Variants in NEDD4L observed in about 807,000 individuals in gnomAD.
The protein encoded by NEDD4L is NEDD4 like E3 ubiquitin protein ligase.
In NEDD4L, 54 loss-of-function variants were observed where a neutral mutation model predicts 148.9. That is an observed-to-expected ratio of 0.36 (90% CI 0.29 to 0.45). The LOEUF is 0.45. Ranked by LOEUF, NEDD4L falls within the 20% of genes least tolerant of loss-of-function variation. The pLI, the probability that NEDD4L is intolerant of heterozygous loss-of-function variation, is 1.00. For synonymous variants in NEDD4L, 433 were observed against 440.7 expected (o/e 0.98, Z 0.22); for missense variants, 856 against 1,233.8 (o/e 0.69, Z 4.59).
At chr18:58,232,079 C>T (rs17064503) in intron 2 of NEDD4L, among the ~76,000 whole-genome samples, 1 of 152,144 alleles carries the variant, frequency 6.6e-6, no homozygotes, top group Non-Finnish European at 1.5e-5. Context: ...TTTTTCTCCA[C>T]GGTCACAGGG....
At chr18:58,236,655 C>G (rs1297075923) in intron 2 of NEDD4L, among the ~76,000 whole-genome samples, 2 of 152,248 alleles carry the variant, frequency 1.3e-5, no homozygotes, top group Non-Finnish European at 2.9e-5. Flanking sequence ...GGTGCTGGCA[C>G]CCAGAAGCTG....
chr18:58,211,068 C>G (rs491642), intron 2 of NEDD4L, among the ~76,000 whole-genome samples: 1 of 151,798 alleles, frequency 6.6e-6, no homozygotes, highest in Admixed American at 6.6e-5. Flanking sequence ...TCTGAGAAAG[C>G]GAACTAGGAA....
At chr18:58,263,019 A>G (rs1224081123) in intron 5 of NEDD4L, among the ~76,000 whole-genome samples, 2 of 152,254 alleles carry the variant, frequency 1.3e-5, no homozygotes, top group East Asian at 3.8e-4. Flanking sequence ...TTTTGAGTAC[A>G]GTGATTAAAT....
chr18:58,159,991 A>G (rs2035996264), intron 1 of NEDD4L, among the ~76,000 whole-genome samples: 1 of 152,224 alleles, frequency 6.6e-6, no homozygotes, highest in Non-Finnish European at 1.5e-5. Context: ...TTCCCAGCTC[A>G]GATACCATCT....
intron 5 of NEDD4L, among the ~76,000 whole-genome samples, chr18:58,292,297 C>T (rs2054876826): frequency 6.6e-6 from 1 of 152,146 alleles, no homozygotes; most frequent in Admixed American, 6.5e-5. Context: ...TGTGGCTTCC[C>T]CTTTCCCTCC....
chr18:58,249,371 A>T (rs1472558032), intron 4 of NEDD4L, among the ~76,000 whole-genome samples: 1 of 152,212 alleles, frequency 6.6e-6, no homozygotes, highest in Non-Finnish European at 1.5e-5. Flanking sequence ...TAACTGAAAC[A>T]CTTGAGTGCA....
intron 5 of NEDD4L, chr18:58,255,771 C>T (rs867942697): frequency 1.8e-5 from 22 of 1,232,430 alleles, no homozygotes; most frequent in Middle Eastern, 6.2e-4. Flanking sequence ...AGAAGCAGCC[C>T]GCACCCCTTC....
At chr18:58,119,573 C>T (rs116696490) in intron 1 of NEDD4L, among the ~76,000 whole-genome samples, 104 of 152,272 alleles carry the variant, frequency 6.8e-4, no homozygotes, top group Middle Eastern at 3.4e-3. Flanking sequence ...TGTTCCTAGC[C>T]GCAGAAATTG....
rs572196620 is a variant in NEDD4L, at chr18:58,328,154, G to A, written c.681-841G>A. On this transcript the variant is annotated intron_variant, in intron 9 of 30. Transcript: ENST00000400345. Reference sequence around the variant, plus strand: ...TAATTTTTGTGTTTTTAGTAGAGGCGGGGTTTTGCCATGTTGGCCAGGTAC... The same window carrying A: ...TAATTTTTGTGTTTTTAGTAGAGGCAGGGTTTTGCCATGTTGGCCAGGTAC... 5.3e-5 allele frequency among the ~76,000 whole-genome samples: 8 copies of A among 152,144 alleles called. No homozygotes were observed. The South Asian group carries it at 1.0e-3, about 20-fold the overall frequency.
Position 58,133,772 on chromosome 18 carries a change from G to A in NEDD4L, c.49-32016G>A, listed in dbSNP as rs79559689. 5.5e-4 allele frequency among the ~76,000 whole-genome samples: 83 copies of A among 152,272 alleles called. No individual in the cohort carries two copies. The East Asian group carries it at 0.015, about 28-fold the overall frequency. On this transcript the variant is annotated intron_variant, in intron 1 of 30. Transcript: ENST00000400345. ...TAATAGGACACAGAGTTGCCATGAAGTTTAGTGAGTTAATGAATGTATGGG... is the reference window on the plus strand; with the variant it reads ...TAATAGGACACAGAGTTGCCATGAAATTTAGTGAGTTAATGAATGTATGGG...
At chr18:58,308,703 G>C (rs928317221) in intron 5 of NEDD4L, among the ~76,000 whole-genome samples, 1 of 152,228 alleles carries the variant, frequency 6.6e-6, no homozygotes, top group East Asian at 1.9e-4. Context: ...CACTCAGCAC[G>C]AGTCTCAGGC....
At chr18:58,063,315 C>T (rs953607603) in intron 1 of NEDD4L, among the ~76,000 whole-genome samples, 2 of 151,834 alleles carry the variant, frequency 1.3e-5, no homozygotes, top group African/African-American at 4.8e-5. Context: ...CCTCAGCTTC[C>T]CAAATTGCTG....
At chr18:58,260,935 A>G (rs2049282422) in intron 5 of NEDD4L, among the ~76,000 whole-genome samples, 1 of 152,178 alleles carries the variant, frequency 6.6e-6, no homozygotes, top group African/African-American at 2.4e-5. Flanking sequence ...GAGGATAAAA[A>G]TGTCCAGCTC....
intron 1 of NEDD4L, among the ~76,000 whole-genome samples, chr18:58,135,393 G>A (rs941116450): frequency 6.6e-6 from 1 of 152,220 alleles, no homozygotes; most frequent in Non-Finnish European, 1.5e-5. Flanking sequence ...GCTGTGGTCT[G>A]TGGTCAATGT....
At chr18:58,284,578 C>T (rs1368532766) in intron 5 of NEDD4L, among the ~76,000 whole-genome samples, 1 of 130,210 alleles carries the variant, frequency 7.7e-6, no homozygotes, top group Non-Finnish European at 1.7e-5. Flanking sequence ...ATAGAAGTAA[C>T]TTCTGGTAGT....
chr18:58,126,776 C>T (rs2031184453), intron 1 of NEDD4L, among the ~76,000 whole-genome samples: 1 of 152,204 alleles, frequency 6.6e-6, no homozygotes, highest in African/African-American at 2.4e-5. Context: ...GTCGGTTACC[C>T]TTTTCTGTTG....
At chr18:58,165,328 A>G (rs1412887799) in intron 1 of NEDD4L, among the ~76,000 whole-genome samples, 1 of 152,240 alleles carries the variant, frequency 6.6e-6, no homozygotes, top group Non-Finnish European at 1.5e-5. Flanking sequence ...CCAACATTTT[A>G]AAAGCACTAT....
chr18:58,223,502 C>T (rs780202469), intron 2 of NEDD4L, among the ~76,000 whole-genome samples: 9 of 152,054 alleles, frequency 5.9e-5, no homozygotes, highest in African/African-American at 7.2e-5. Context: ...GTGGTCTTGA[C>T]GGTTCTGTTG....
Position 58,387,423 on chromosome 18 carries a change from T to C in NEDD4L, c.2488-16T>C. The C allele has an allele frequency of 6.6e-7, 1 of 1,522,786 alleles. No individual in the cohort carries two copies. The highest frequency in any genetic ancestry group is 8.7e-7 in the Non-Finnish European group (1 of 1,142,924). The allele number at this position is 1,522,786 out of a possible 1,614,324, so 94.3% of individuals were successfully genotyped here. A position where few individuals can be genotyped will look rare whatever the true frequency, so the allele number is the denominator to read the frequency against. On this transcript the variant is annotated splice_polypyrimidine_tract_variant and intron_variant, in intron 26 of 30. Coordinates refer to ENST00000400345, the MANE Select transcript of NEDD4L (RefSeq NM_001144967.3). ...AAGGCAATAGGTGTTTAAGATGTTT[T>C]TTTTTTTTCTTTCAGGGATTCACAG...
Sources: allele counts gnomAD v4.1 joint callset (sites outside exome capture counted in the v4.1 genomes callset), GRCh38; gene constraint gnomAD v4.1.1; transcripts MANE v1.5; gene names NCBI Gene and HGNC (gene_info 2026-07-23, HGNC 2026-07-21).